VAV3: variants seen among roughly 807,000 people sequenced by gnomAD.
VAV3 encodes the protein vav guanine nucleotide exchange factor 3, also known as guanine nucleotide exchange factor VAV3.
A neutral mutation model predicts 131.2 loss-of-function variants in VAV3; 94 were observed. The ratio of observed to expected loss-of-function variants is 0.72; its 90% confidence interval spans 0.61 to 0.85. VAV3 has a LOEUF of 0.85. VAV3 is among the 40% of genes least tolerant of loss of function. The probability of loss-of-function intolerance (pLI) is 0.00; values close to 1 mark genes in which losing one functional copy is unlikely to be tolerated. For missense variants in VAV3, 939 were observed against 1,002.7 expected, an observed-to-expected ratio of 0.94 and a Z score of 0.86; for synonymous variants, 349 against 342.0, an observed-to-expected ratio of 1.02 and a Z score of -0.22.
chr1:107,795,324 C>A (rs557354205), intron 2 of VAV3, among the ~76,000 whole-genome samples: 1 of 152,218 alleles, frequency 6.6e-6, no homozygotes, highest in Non-Finnish European at 1.5e-5. Flanking sequence ...ACAATGGCAA[C>A]CTTAACATAT....
At chr1:107,918,124 G>A (rs908925244) in intron 1 of VAV3, among the ~76,000 whole-genome samples, 5 of 152,178 alleles carry the variant, frequency 3.3e-5, no homozygotes, top group African/African-American at 1.2e-4. Flanking sequence ...AAAAGGAAGG[G>A]TATTCATGTA....
At chr1:107,667,662 T>C (rs1657508582) in intron 19 of VAV3, among the ~76,000 whole-genome samples, 1 of 152,058 alleles carries the variant, frequency 6.6e-6, no homozygotes, top group Non-Finnish European at 1.5e-5. Context: ...TTATTTAAAA[T>C]AGCAACATCC....
chr1:107,780,844 T>C (rs1378851697), intron 2 of VAV3, among the ~76,000 whole-genome samples: 5 of 152,134 alleles, frequency 3.3e-5, no homozygotes, highest in Admixed American at 6.6e-5. Context: ...ATAATAGATA[T>C]AATGCATCCT....
At chr1:107,935,471 T>C (rs566888999) in intron 1 of VAV3, among the ~76,000 whole-genome samples, 8 of 152,270 alleles carry the variant, frequency 5.3e-5, no homozygotes, top group Non-Finnish European at 1.0e-4. Flanking sequence ...AGCACTGAAA[T>C]GTTCAGTGGT....
chr1:107,712,705 G>A (rs2101884401), intron 15 of VAV3, among the ~76,000 whole-genome samples: 1 of 152,272 alleles, frequency 6.6e-6, no homozygotes, highest in East Asian at 1.9e-4. Context: ...TCTAATATGT[G>A]CCATGCAGTG....
chr1:107,663,971 C>T (rs1330245112), intron 19 of VAV3, among the ~76,000 whole-genome samples: 2 of 152,066 alleles, frequency 1.3e-5, no homozygotes, highest in Admixed American at 1.3e-4. Flanking sequence ...ATAGTATGGG[C>T]TCACCAATAC....
chr1:107,857,491 G>C (rs898674196), intron 2 of VAV3, among the ~76,000 whole-genome samples: 3 of 152,064 alleles, frequency 2.0e-5, no homozygotes, highest in African/African-American at 7.2e-5. Flanking sequence ...TAACTTTTTA[G>C]ACTGTAGTAA....
intron 2 of VAV3, among the ~76,000 whole-genome samples, chr1:107,820,126 G>A (rs187872598): frequency 6.6e-6 from 1 of 152,212 alleles, no homozygotes; most frequent in Non-Finnish European, 1.5e-5. Flanking sequence ...CCAAAGAAAG[G>A]AAATCAGTAT....
intron 15 of VAV3, among the ~76,000 whole-genome samples, chr1:107,736,760 G>A (rs982777243): frequency 8.5e-4 from 129 of 151,960 alleles, no homozygotes; most frequent in African/African-American, 2.9e-3. Flanking sequence ...AATCAATATC[G>A]TAAAAATGGC....
intron 1 of VAV3, among the ~76,000 whole-genome samples, chr1:107,913,590 TC>T (rs1672466465): frequency 6.6e-6 from 1 of 152,138 alleles, no homozygotes; most frequent in Non-Finnish European, 1.5e-5. Context: ...CCAAAGATGA[TC>T]AGGGCTTTGA....
chr1:107,814,772 T>C (rs574014860), intron 2 of VAV3, among the ~76,000 whole-genome samples: 1 of 152,288 alleles, frequency 6.6e-6, no homozygotes, highest in South Asian at 2.1e-4. Flanking sequence ...ATGAAAACAG[T>C]GCTTATGGAA....
chr1:107,592,572 T>A (rs1299797902), intron 25 of VAV3, among the ~76,000 whole-genome samples: 1 of 152,128 alleles, frequency 6.6e-6, no homozygotes, highest in Non-Finnish European at 1.5e-5. Flanking sequence ...TGCTTATGGG[T>A]CACAAAATAG....
chr1:107,964,619 A>C (rs774540915), intron 1 of VAV3, 47 bp downstream of exon 1: 7 of 1,586,792 alleles, frequency 4.4e-6, no homozygotes, highest in Non-Finnish European at 6.0e-6. Flanking sequence ...CGCATGATTA[A>C]TGGGAGCTGC....
At chr1:107,623,135 A>G (rs1434453747) in intron 20 of VAV3, among the ~76,000 whole-genome samples, 3 of 152,190 alleles carry the variant, frequency 2.0e-5, no homozygotes, top group African/African-American at 4.8e-5. Flanking sequence ...ACACAAAGGC[A>G]GTATCATAGG....
intron 2 of VAV3, among the ~76,000 whole-genome samples, chr1:107,793,431 A>C (rs941451158): frequency 5.9e-5 from 9 of 152,310 alleles, no homozygotes; most frequent in Non-Finnish European, 1.0e-4. Context: ...CTATTTATAT[A>C]TTGTCTCCCA....
At chr1:107,606,552 T>C (rs1298974295) in intron 22 of VAV3, among the ~76,000 whole-genome samples, 1 of 152,140 alleles carries the variant, frequency 6.6e-6, no homozygotes, top group Non-Finnish European at 1.5e-5. Flanking sequence ...GCTACTTGAA[T>C]GCTGTATCCC....
At chr1:107,816,551 A>C (rs1667569450) in intron 2 of VAV3, among the ~76,000 whole-genome samples, 1 of 152,214 alleles carries the variant, frequency 6.6e-6, no homozygotes, top group Non-Finnish European at 1.5e-5. Flanking sequence ...AAAATCAGTC[A>C]CTAATATATT....
intron 2 of VAV3, among the ~76,000 whole-genome samples, chr1:107,857,940 A>G (rs1669545953): frequency 6.6e-6 from 1 of 152,256 alleles, no homozygotes; most frequent in South Asian, 2.1e-4. Flanking sequence ...TATATTATTT[A>G]TAAGACCCAA....
At chr1:107,657,471 T>C (rs143064842) in intron 19 of VAV3, among the ~76,000 whole-genome samples, 1 of 152,324 alleles carries the variant, frequency 6.6e-6, no homozygotes, top group East Asian at 1.9e-4. Flanking sequence ...CAGGAAATAA[T>C]GAGCACTATA....
Sources: gnomAD v4.1 joint callset for allele counts (sites outside exome capture counted in the v4.1 genomes callset) on GRCh38, gnomAD v4.1.1 for gene constraint, MANE v1.5 for transcripts, NCBI Gene and HGNC (gene_info 2026-07-23, HGNC 2026-07-21) for gene names.